DMXL2: variants seen among roughly 807,000 people sequenced by gnomAD.
DMXL2 encodes the protein dmX-like protein 2.
A neutral mutation model predicts 331.1 loss-of-function variants in DMXL2; 103 were observed. The observed-to-expected ratio is 0.31, with a 90% CI of 0.27 to 0.37. The LOEUF (loss-of-function observed/expected upper bound fraction) is 0.37, where lower values mean the gene tolerates loss of function less well. DMXL2 is among the 10% of genes least tolerant of loss of function. The pLI is 1.00. For missense variants in DMXL2, 3,171 were observed against 3,642.9 expected, an observed-to-expected ratio of 0.87 and a Z score of 3.33; for synonymous variants, 1,281 against 1,252.1, an observed-to-expected ratio of 1.02 and a Z score of -0.49.
At chr15:51,554,669 T>C (rs1004356699) in intron 6 of DMXL2, among the ~76,000 whole-genome samples, 3 of 152,182 alleles carry the variant, frequency 2.0e-5, no homozygotes, top group African/African-American at 7.2e-5. Flanking sequence ...TTAAAAACAA[T>C]GAGGCAAATT....
chr15:51,549,092 T>C (rs566008214), intron 6 of DMXL2, among the ~76,000 whole-genome samples: 4 of 152,200 alleles, frequency 2.6e-5, no homozygotes, highest in Admixed American at 2.6e-4. Flanking sequence ...CAATTTGTAG[T>C]CTTTTATCCC....
At chr15:51,456,231 A>C in intron 38 of DMXL2, 38 bp from the exon 39 acceptor site, 1 of 1,604,566 alleles carries the variant, frequency 6.2e-7, no homozygotes, top group Non-Finnish European at 8.5e-7. Flanking sequence ...TAAGAAATTA[A>C]AGAGTTCCAA....
intron 13 of DMXL2, among the ~76,000 whole-genome samples, chr15:51,531,632 G>C (rs1469757569): frequency 2.0e-5 from 3 of 151,836 alleles, no homozygotes; most frequent in African/African-American, 7.3e-5. Flanking sequence ...TCTGAAACGG[G>C]ATTAATAACC....
At position 51,607,157 on chromosome 15, in the gene DMXL2, C is replaced by T. The variant is rs1309237664; in HGVS notation, c.87+15302G>A. On this transcript the variant is annotated intron_variant, in intron 1 of 43. Coordinates refer to ENST00000560891, the MANE Select transcript of DMXL2 (RefSeq NM_001378457.1). ...CCTGGGTGACAGAGTGAGACTCTGCCCCCACCAAAAAAAAAAAGGCCGGGC... is the reference window on the plus strand; with the variant it reads ...CCTGGGTGACAGAGTGAGACTCTGCTCCCACCAAAAAAAAAAAGGCCGGGC... Among the ~76,000 whole-genome samples the T allele has an allele frequency of 3.4e-5, 5 of 145,352 alleles. No individual in the cohort carries two copies. In the East Asian group the frequency reaches 8.3e-4, roughly 24 times the overall value.
chr15:51,500,054 T>C lies in DMXL2; in HGVS notation c.3170A>G (p.Glu1057Gly). ...CACTGTACTGCTATTATCTTCTCCT[T>C]CATCATTCATCAAAGGCCATCTCTT... ...HWKRWPLMND[E>G]GEDNSSTVSI... is the part of the protein sequence containing the mutation. The change falls in exon 18 of 44, where the codon GAA becomes GGA. Residue 1057 changes from glutamate (E) to glycine (G), a missense_variant. Coordinates refer to ENST00000560891, the MANE Select transcript of DMXL2 (RefSeq NM_001378457.1). 6.2e-7 allele frequency: 1 copy of C among 1,614,116 alleles called. No individual in the cohort carries two copies. The highest frequency in any genetic ancestry group is 8.5e-7 in the Non-Finnish European group (1 of 1,179,982).
At position 51,472,302 on chromosome 15, in the gene DMXL2, T is replaced by C. The variant is rs377564753; in HGVS notation, c.7214-901A>G. Among the ~76,000 whole-genome samples, 38 of 152,310 alleles carry C rather than the reference T, an allele frequency of 2.5e-4. No homozygotes were observed. The East Asian group carries it at 4.4e-3, about 18-fold the overall frequency. ...CTAACCTCAAACTATACCCAGAATA[T>C]GATCACTTTTCACTCTGACCATAAC... is the stretch of plus-strand genomic sequence containing the variant. On this transcript the variant is annotated intron_variant, in intron 28 of 43. Transcript: ENST00000560891.
intron 13 of DMXL2, among the ~76,000 whole-genome samples, chr15:51,526,883 C>T (rs2047705522): frequency 6.6e-6 from 1 of 152,116 alleles, no homozygotes; most frequent in Non-Finnish European, 1.5e-5. Flanking sequence ...AGCACATCTA[C>T]AGGATCCAGA....
rs1555441495 is a variant in DMXL2, at chr15:51,576,203, A to AT, written c.88-23_88-22insA. The AT allele has an allele frequency of 6.6e-6, 9 of 1,373,716 alleles. No individual in the cohort carries two copies. The South Asian group carries it at 8.6e-5, about 13-fold the overall frequency. 85.1% of individuals were successfully genotyped at this position (1,373,716 alleles called of 1,614,324 possible). A position where few individuals can be genotyped will look rare whatever the true frequency, so the allele number is the denominator to read the frequency against. On this transcript the variant is annotated intron_variant, in intron 1 of 43. Coordinates refer to ENST00000560891, the MANE Select transcript of DMXL2 (RefSeq NM_001378457.1). Reference sequence around the variant, plus strand: ...ATGCCTAAAAAAAAAAAAAAAAAAAAGTTTTACAATACATAAGATATGTAA... The same window carrying AT: ...ATGCCTAAAAAAAAAAAAAAAAAAAATGTTTTACAATACATAAGATATGTAA...
Position 51,480,786 on chromosome 15 carries a change from C to G in DMXL2, c.6320G>C (p.Ser2107Thr), listed in dbSNP as rs761696052. 10 of 1,605,540 alleles carry G rather than the reference C, an allele frequency of 6.2e-6. No individual in the cohort carries two copies. The highest frequency in any genetic ancestry group is 8.5e-6 in the Non-Finnish European group (10 of 1,174,886). ...YSSKTYSKVE[S>T]DLLDQEEMVD... ...CATTTCTTCCTGATCCAGCAGATCA[C>G]TCTCTACTTTGGAATATGTCTTACT... is the stretch of plus-strand genomic sequence containing the variant. The change falls in exon 24 of 44, where the codon AGT becomes ACT. Residue 2107 changes from serine (S) to threonine (T), a missense_variant. Around this residue, in one of 7 missense-constraint regions of DMXL2, gnomAD observed 197 missense variants for 196.2 expected, o/e 1.00. Transcript: ENST00000560891.
intron 29 of DMXL2, among the ~76,000 whole-genome samples, chr15:51,468,358 A>T (rs1446870026): frequency 6.6e-6 from 1 of 152,222 alleles, no homozygotes; most frequent in African/African-American, 2.4e-5. Context: ...TCTCAAAAAG[A>T]TTCGGAGCCA....
At chr15:51,453,483 T>A (rs575413040) in intron 41 of DMXL2, 67 bp downstream of exon 41, 28 of 1,206,708 alleles carry the variant, frequency 2.3e-5, no homozygotes, top group Non-Finnish European at 3.2e-5. Context: ...AATAGAAAAG[T>A]ATTCTTGCTA....
intron 9 of DMXL2, among the ~76,000 whole-genome samples, chr15:51,540,961 G>A (rs1567091346): frequency 6.6e-6 from 1 of 152,150 alleles, no homozygotes; most frequent in East Asian, 1.9e-4. Context: ...AGTGTACACA[G>A]TTAAAAAGCC....
In DMXL2 at chr15:51,576,183, T is replaced by TAAAAAAAAAA. The variant is rs3078066; in HGVS notation, c.88-12_88-3dup. On this transcript the variant is annotated splice_region_variant and splice_polypyrimidine_tract_variant and intron_variant, in intron 1 of 43. Transcript: ENST00000560891. Reference sequence around the variant, plus strand: ...AATATCACAGCCTGATCCATATGCCTAAAAAAAAAAAAAAAAAAAAGTTTT... The same window carrying TAAAAAAAAAA: ...AATATCACAGCCTGATCCATATGCCTAAAAAAAAAAAAAAAAAAAAAAAAAAAAAAGTTTT... 2.4e-3 allele frequency: 1,521 copies of TAAAAAAAAAA among 627,894 alleles called. 133 individuals carry two copies. Among genetic ancestry groups the TAAAAAAAAAA allele is most frequent in the South Asian group, 2.6e-3 (61 of 23,476 alleles). The allele number at this position is 627,894 out of a possible 1,614,324, so 38.9% of individuals were successfully genotyped here.
chr15:51,558,340 G>T (rs1312460776), intron 6 of DMXL2, among the ~76,000 whole-genome samples: 2 of 151,924 alleles, frequency 1.3e-5, no homozygotes, highest in Admixed American at 1.3e-4. Flanking sequence ...TTATCTCAGG[G>T]TCTGCTTCTG....
At chr15:51,555,115 G>A (rs963976213) in intron 6 of DMXL2, among the ~76,000 whole-genome samples, 10 of 152,202 alleles carry the variant, frequency 6.6e-5, no homozygotes, top group Non-Finnish European at 5.9e-5. Context: ...CCAAGATTGC[G>A]CCACAGCACT....
chr15:51,528,795 G>C lies in DMXL2; in HGVS notation c.2436+6868C>G, dbSNP rs573037367. ...TATTTACAGAACATTTCATCCAACA[G>C]CTACAGAATATACATTCTTTTCCTC... On this transcript the variant is annotated intron_variant, in intron 13 of 43. Coordinates refer to ENST00000560891, the MANE Select transcript of DMXL2 (RefSeq NM_001378457.1). 9.2e-5 allele frequency among the ~76,000 whole-genome samples: 14 copies of C among 151,620 alleles called. No individual in the cohort carries two copies. The East Asian group carries it at 2.7e-3, about 29-fold the overall frequency.
chr15:51,613,756 A>G lies in DMXL2; in HGVS notation c.87+8703T>C, dbSNP rs975352929. Reference sequence around the variant, plus strand: ...AATTATGTCTATATAAAATTTGTCCAGCATAAAATTATCACAGTCATGTTT... The same window carrying G: ...AATTATGTCTATATAAAATTTGTCCGGCATAAAATTATCACAGTCATGTTT... On this transcript the variant is annotated intron_variant, in intron 1 of 43. Coordinates refer to ENST00000560891, the MANE Select transcript of DMXL2 (RefSeq NM_001378457.1). Among the ~76,000 whole-genome samples, 3 of 152,110 alleles carry G rather than the reference A, an allele frequency of 2.0e-5. No individual in the cohort carries two copies. In the South Asian group the frequency reaches 6.2e-4, roughly 32 times the overall value.
chr15:51,576,686 T>C (rs373538723), intron 1 of DMXL2, among the ~76,000 whole-genome samples: 3 of 152,178 alleles, frequency 2.0e-5, no homozygotes, highest in East Asian at 1.9e-4. Context: ...CAGAATTACA[T>C]GCACTAAGGC....
Position 51,569,764 on chromosome 15 carries a change from A to C in DMXL2, c.214-1206T>G, listed in dbSNP as rs575934291. On this transcript the variant is annotated intron_variant, in intron 2 of 43. Coordinates refer to ENST00000560891, the MANE Select transcript of DMXL2 (RefSeq NM_001378457.1). ...CTGACTGTTAGAAAGAAAACTAACA[A>C]ACATAAAGGAATACTATCAACATCA... 5.8e-4 allele frequency among the ~76,000 whole-genome samples: 89 copies of C among 152,276 alleles called. 1 individual carries two copies. The highest frequency in any genetic ancestry group is 5.6e-3 in the South Asian group (27 of 4,830).
Sources: gnomAD v4.1 joint callset for allele counts (sites outside exome capture counted in the v4.1 genomes callset) on GRCh38, gnomAD v4.1.1 for gene constraint, gnomAD v4.1.1 regional missense constraint, MANE v1.5 for transcripts, NCBI Gene and HGNC (gene_info 2026-07-23, HGNC 2026-07-21) for gene names.